JAK1: variants seen among roughly 807,000 people sequenced by gnomAD.
The protein encoded by JAK1 is tyrosine-protein kinase JAK1.
In JAK1, 16 loss-of-function variants were observed where a neutral mutation model predicts 136.6. The ratio of observed to expected loss-of-function variants is 0.12; its 90% CI spans 0.08 to 0.18. The LOEUF (loss-of-function observed/expected upper bound fraction) is 0.18. JAK1 is among the 10% of genes least tolerant of loss of function. The pLI is 1.00. For missense variants in JAK1, 859 were observed against 1,450.1 expected (o/e 0.59, Z 6.62); for synonymous variants, 492 against 519.5 (o/e 0.95, Z 0.72).
chr1:65,053,943 C>A (rs1647407312), intron 1 of JAK1, among the ~76,000 whole-genome samples: 1 of 152,192 alleles, frequency 6.6e-6, no homozygotes, highest in African/African-American at 2.4e-5. Flanking sequence ...CAGGCAAGAA[C>A]AACAGCTAGC....
intron 8 of JAK1, among the ~76,000 whole-genome samples, chr1:64,862,985 G>A (rs549386596): frequency 1.8e-4 from 28 of 152,036 alleles, no homozygotes; most frequent in African/African-American, 6.5e-4. Context: ...CATATAACAC[G>A]GGGCCTAATA....
chr1:64,995,060 CT>C (rs929478779), intron 2 of JAK1: 2 of 151,360 alleles, frequency 1.3e-5, no homozygotes, highest in African/African-American at 4.9e-5. Flanking sequence ...TTATTTTAGG[CT>C]GTTGATAAAT....
intron 1 of JAK1, among the ~76,000 whole-genome samples, chr1:64,928,777 G>GAAAAAAA (rs1645626252): frequency 3.9e-3 from 3 of 762 alleles, no homozygotes. Context: ...ATAAAACTCT[G>GAAAAAAA]CAAAAAAAAA....
chr1:64,837,824 T>G, intron 22 of JAK1, 108 bp downstream of exon 22: 2 of 876,038 alleles, frequency 2.3e-6, no homozygotes, highest in Non-Finnish European at 3.4e-6. Context: ...TCTCTAACCT[T>G]GAGTCAGGCC....
chr1:64,852,224 C>T (rs1246592473), intron 11 of JAK1, among the ~76,000 whole-genome samples: 1 of 152,378 alleles, frequency 6.6e-6, no homozygotes, highest in East Asian at 1.9e-4. Context: ...TTCTTATCCC[C>T]ATTTTATAGA....
At chr1:64,936,491 A>G (rs1016529945) in intron 1 of JAK1, among the ~76,000 whole-genome samples, 9 of 152,218 alleles carry the variant, frequency 5.9e-5, no homozygotes, top group African/African-American at 2.2e-4. Flanking sequence ...GGGGAAATCC[A>G]GTTATTTCTC....
At chr1:65,037,577 A>T (rs1334898720) in intron 2 of JAK1, among the ~76,000 whole-genome samples, 1 of 152,234 alleles carries the variant, frequency 6.6e-6, no homozygotes, top group African/African-American at 2.4e-5. Context: ...TTCAGACTGT[A>T]CATTTCTAGT....
chr1:64,930,794 T>C (rs949759087), intron 1 of JAK1, among the ~76,000 whole-genome samples: 13 of 152,180 alleles, frequency 8.5e-5, no homozygotes, highest in Non-Finnish European at 1.5e-5. Context: ...GTGGCACATA[T>C]ACACCATGGA....
chr1:64,969,404 C>G (rs554269221), upstream of JAK1, among the ~76,000 whole-genome samples: 26 of 138,824 alleles, frequency 1.9e-4, no homozygotes, highest in South Asian at 6.7e-3. Flanking sequence ...CCCCATCACA[C>G]CCCCCCGCAA....
At chr1:64,973,427 T>G (rs1191861536) in intron 2 of JAK1, among the ~76,000 whole-genome samples, 1 of 151,684 alleles carries the variant, frequency 6.6e-6, no homozygotes, top group East Asian at 1.9e-4. Flanking sequence ...GGCATAAACA[T>G]TCTATTTTTT....
At chr1:64,900,746 C>A (rs2101464146) in intron 1 of JAK1, among the ~76,000 whole-genome samples, 1 of 152,318 alleles carries the variant, frequency 6.6e-6, no homozygotes, top group Non-Finnish European at 1.5e-5. Flanking sequence ...CTGGAAGTAT[C>A]ATGCTCTAAA....
At chr1:64,955,867 G>C (rs1646177488) in intron 1 of JAK1, among the ~76,000 whole-genome samples, 1 of 152,194 alleles carries the variant, frequency 6.6e-6, no homozygotes, top group Admixed American at 6.5e-5. Flanking sequence ...GGTGGGGTGG[G>C]GCAAAAGCAA....
chr1:64,920,939 A>G (rs1411008727), intron 1 of JAK1, among the ~76,000 whole-genome samples: 1 of 152,208 alleles, frequency 6.6e-6, no homozygotes, highest in Non-Finnish European at 1.5e-5. Context: ...CACAGTTTCC[A>G]ATTCAGGTGC....
chr1:64,968,650 G>A (rs1173704237), upstream of JAK1, among the ~76,000 whole-genome samples: 1 of 151,996 alleles, frequency 6.6e-6, no homozygotes, highest in Non-Finnish European at 1.5e-5. Flanking sequence ...AACAAACAAA[G>A]GCCAGGTGCA....
Position 64,984,679 on chromosome 1 carries a change from T to C in JAK1, c.-78+59801A>G, listed in dbSNP as rs1646581075. 3 of 598,810 alleles carry C rather than the reference T, an allele frequency of 5.0e-6. No individual in the cohort carries two copies. Among genetic ancestry groups the C allele is most frequent in the Non-Finnish European group, 9.1e-6 (3 of 329,198 alleles). The allele number at this position is 598,810 out of a possible 1,614,324, so 37.1% of individuals were successfully genotyped here. ...CATGACACAGTCCTTCCAGATCTAT[T>C]TGCATCGTGTGCCTGCCCCTCAAAG... is the stretch of plus-strand genomic sequence containing the variant. On this transcript the variant is annotated intron_variant, in intron 2 of 25. Transcript: ENST00000671954. This position sits in a 1 kb window ranked among gnomAD's most constrained non-coding sequence, Gnocchi z 4.1.
Position 64,992,883 on chromosome 1 carries a change from C to T in JAK1, c.-78+51597G>A, listed in dbSNP as rs915443083. 5 of 136,194 alleles carry T rather than the reference C, an allele frequency of 3.7e-5. No individual in the cohort carries two copies. The East Asian group carries it at 8.4e-4, about 23-fold the overall frequency. 8.4% of individuals were successfully genotyped at this position (136,194 alleles called of 1,614,324 possible). The stretch of plus-strand genomic sequence containing the variant: ...CAGCCTGGGCGACAGAGCGAGATTC[C>T]GAGATTCTGTCTCAAAAAAAAAAAA... On this transcript the variant is annotated intron_variant, in intron 2 of 25. Coordinates refer to the JAK1 transcript ENST00000671954.
intron 2 of JAK1, among the ~76,000 whole-genome samples, chr1:64,981,810 A>G (rs1290771767): frequency 6.6e-6 from 1 of 152,222 alleles, no homozygotes; most frequent in African/African-American, 2.4e-5. Context: ...TTAACAGGGC[A>G]CACCTAGCTT....
intron 1 of JAK1, among the ~76,000 whole-genome samples, chr1:64,896,539 C>T (rs542740700): frequency 9.2e-5 from 14 of 152,180 alleles, no homozygotes; most frequent in Non-Finnish European, 1.6e-4. Flanking sequence ...CTAAATATAA[C>T]TAGGAGAAAT....
At chr1:65,030,954 G>A (rs766876193) in intron 2 of JAK1, among the ~76,000 whole-genome samples, 30 of 152,028 alleles carry the variant, frequency 2.0e-4, no homozygotes, top group Non-Finnish European at 3.4e-4. Context: ...AGGAGTTTAA[G>A]ACCCCCCTAG....
Sources: gnomAD v4.1 joint callset for allele counts (sites outside exome capture counted in the v4.1 genomes callset) on GRCh38, gnomAD v4.1.1 for gene constraint, Gnocchi (gnomAD v3.1) non-coding constraint, MANE v1.5 for transcripts, NCBI Gene and HGNC (gene_info 2026-07-23, HGNC 2026-07-21) for gene names.